TAFA2: variants seen among roughly 807,000 people sequenced by gnomAD.
TAFA2 encodes chemokine-like protein TAFA-2.
A neutral mutation model predicts 18.8 loss-of-function variants in TAFA2; 7 were observed. That is an observed-to-expected ratio of 0.37 (90% CI 0.21 to 0.70). TAFA2 has a LOEUF of 0.70. Among genes scored for constraint, TAFA2 ranks in the 30% least tolerant of loss-of-function variants. The pLI is 0.53. For synonymous variants in TAFA2, 60 were observed against 54.2 expected (o/e 1.11, Z -0.47); for missense variants, 122 against 158.1 (o/e 0.77, Z 1.23).
rs374882700 is a variant in TAFA2 at position 62,059,139 on chromosome 12, ATGTGTGTG to A, written c.-2+132112_-2+132119del. ...TAATAATATATATATATGTGTGTAT[ATGTGTGTG>A]TGTGTGTGTGTGTGTGTGTGTGTAT... On this transcript the variant is annotated intron_variant, in intron 1 of 4. Transcript: ENST00000416284. 8.8e-5 allele frequency among the ~76,000 whole-genome samples: 12 copies of A among 136,324 alleles called. No homozygotes were observed. In the Middle Eastern group the frequency reaches 0.011, roughly 130 times the overall value. The allele number at this position is 136,324 out of a possible 152,430, so 89.4% of individuals were successfully genotyped here. A position where few individuals can be genotyped will look rare whatever the true frequency, so the allele number is the denominator to read the frequency against.
intron 2 of TAFA2, among the ~76,000 whole-genome samples, chr12:61,854,079 A>C (rs958247025): frequency 1.3e-5 from 2 of 152,214 alleles, no homozygotes; most frequent in African/African-American, 2.4e-5. Context: ...CAGAGTAGAC[A>C]GTTTGGAATT....
intron 2 of TAFA2, among the ~76,000 whole-genome samples, chr12:61,795,766 AAAAT>A (rs1037583090): frequency 1.8e-4 from 28 of 152,070 alleles, no homozygotes; most frequent in East Asian, 1.2e-3. Context: ...AAAATGCAAA[AAAAT>A]AAATAAATAA....
chr12:62,101,263 G>A (rs1461077674), intron 1 of TAFA2, among the ~76,000 whole-genome samples: 2 of 152,056 alleles, frequency 1.3e-5, no homozygotes, highest in Admixed American at 6.6e-5. Flanking sequence ...ATACATACAT[G>A]ACTAATGGAT....
At chr12:61,930,093 C>T (rs1044721477) in intron 1 of TAFA2, among the ~76,000 whole-genome samples, 4 of 151,868 alleles carry the variant, frequency 2.6e-5, no homozygotes, top group African/African-American at 4.8e-5. Flanking sequence ...CAACATGGCA[C>T]ATGTATACAT....
At chr12:61,957,274 G>C (rs979244442) in intron 1 of TAFA2, among the ~76,000 whole-genome samples, 12 of 152,028 alleles carry the variant, frequency 7.9e-5, no homozygotes, top group Admixed American at 5.9e-4. Flanking sequence ...AATAGCCATA[G>C]ACAAAGAAAA....
At chr12:61,734,633 T>C (rs900451484) in intron 4 of TAFA2, among the ~76,000 whole-genome samples, 1 of 152,024 alleles carries the variant, frequency 6.6e-6, no homozygotes, top group African/African-American at 2.4e-5. Flanking sequence ...AGCCAAAAAT[T>C]ATTTGGTTCA....
intron 1 of TAFA2, among the ~76,000 whole-genome samples, chr12:62,142,920 G>A (rs1237622853): frequency 6.6e-6 from 1 of 152,064 alleles, no homozygotes; most frequent in Admixed American, 6.6e-5. Flanking sequence ...TATTATATAA[G>A]TACTACTATT....
chr12:62,186,897 A>C (rs974421688), intron 1 of TAFA2, among the ~76,000 whole-genome samples: 10 of 152,192 alleles, frequency 6.6e-5, no homozygotes, highest in Non-Finnish European at 1.0e-4. Flanking sequence ...CAATTGCCTA[A>C]GTATTCCACT....
At chr12:61,795,990 T>A (rs949639134) in intron 2 of TAFA2, among the ~76,000 whole-genome samples, 1 of 152,072 alleles carries the variant, frequency 6.6e-6, no homozygotes, top group African/African-American at 2.4e-5. Flanking sequence ...GTGACAGTGA[T>A]ACTATGAAGG....
At chr12:62,142,034 C>T (rs929014239) in intron 1 of TAFA2, among the ~76,000 whole-genome samples, 6 of 152,192 alleles carry the variant, frequency 3.9e-5, no homozygotes, top group Non-Finnish European at 7.3e-5. Flanking sequence ...CCTCACCATC[C>T]AACAGGGAAG....
At chr12:61,836,756 T>TATATATATATATATATATATATAC (rs68158949) in intron 2 of TAFA2, among the ~76,000 whole-genome samples, 5,285 of 117,608 alleles carry the variant, frequency 0.045, 237 homozygotes, top group East Asian at 0.071. Flanking sequence ...TATATATATA[T>TATATATATATATATATATATATAC]ACACACACAC....
intron 1 of TAFA2, among the ~76,000 whole-genome samples, chr12:61,924,415 A>C (rs552014673): frequency 3.0e-4 from 46 of 152,362 alleles, no homozygotes; most frequent in Admixed American, 6.5e-4. Context: ...ACAAGCCAGA[A>C]GAGAGTGGGG....
chr12:62,242,400 AT>A (rs2062866831), intron 1 of TAFA2: 2 of 152,336 alleles, frequency 1.3e-5, no homozygotes, highest in South Asian at 2.1e-4. Flanking sequence ...AGTGATAGAT[AT>A]TTGCATAGCC....
chr12:61,972,901 G>A (rs1341987860), intron 1 of TAFA2, among the ~76,000 whole-genome samples: 1 of 151,528 alleles, frequency 6.6e-6, no homozygotes, highest in Non-Finnish European at 1.5e-5. Context: ...CACTCATTTT[G>A]CACCACAAAA....
upstream of TAFA2, among the ~76,000 whole-genome samples, chr12:62,195,025 T>A: frequency 6.6e-6 from 1 of 152,214 alleles, no homozygotes; most frequent in Non-Finnish European, 1.5e-5. Flanking sequence ...GAGAGTCTTG[T>A]TTCAGTGTTG....
chr12:61,818,888 C>T (rs1191966226), intron 2 of TAFA2, among the ~76,000 whole-genome samples: 1 of 152,060 alleles, frequency 6.6e-6, no homozygotes, highest in Non-Finnish European at 1.5e-5. Flanking sequence ...CTTATGGCTA[C>T]CAATGAAAAG....
rs115581453 is a variant in TAFA2, at chr12:61,896,182, G to C, written c.-1-28756C>G. On this transcript the variant is annotated intron_variant, in intron 1 of 4. Coordinates refer to ENST00000416284, the MANE Select transcript of TAFA2 (RefSeq NM_178539.5). ...AATGGAAAGCCAGTTCTTTATTTTT[G>C]TTTCATTTCTTTATTTTATTTAAAG... Among the ~76,000 whole-genome samples the C allele has an allele frequency of 7.9e-3, 1,204 of 152,160 alleles. 14 individuals are homozygous for C. The highest frequency in any genetic ancestry group is 0.028 in the African/African-American group (1,146 of 41,528).
chr12:61,911,183 A>C lies in TAFA2; in HGVS notation c.-1-43757T>G, dbSNP rs192165609. Among the ~76,000 whole-genome samples the C allele has an allele frequency of 2.4e-3, 370 of 152,234 alleles. 1 individual carries two copies. The highest frequency in any genetic ancestry group is 8.6e-3 in the African/African-American group (357 of 41,554). On this transcript the variant is annotated intron_variant, in intron 1 of 4. Transcript: ENST00000416284. ...GGGTTTAGATTCTACATTTTACCCC[A>C]AAAAAATAGCAATTTACCATAATTA...
At chr12:62,027,141 A>G (rs781054299) in intron 1 of TAFA2, among the ~76,000 whole-genome samples, 3 of 152,182 alleles carry the variant, frequency 2.0e-5, no homozygotes, top group African/African-American at 4.8e-5. Context: ...AAAGTCATTT[A>G]ACTGAAAGCA....
Sources: allele counts gnomAD v4.1 joint callset (sites outside exome capture counted in the v4.1 genomes callset), GRCh38; gene constraint gnomAD v4.1.1; transcripts MANE v1.5; gene names NCBI Gene and HGNC (gene_info 2026-07-23, HGNC 2026-07-21).